The following CELF2 variants were observed in gnomAD, a reference collection of about 807,000 sequenced individuals.
CELF2 encodes CUGBP Elav-like family member 2, also known as CUG triplet repeat RNA-binding protein 2.
CELF2 carries 8 observed loss-of-function variants against 62.6 expected under a neutral mutation model. The ratio of observed to expected loss-of-function variants is 0.13; its 90% CI spans 0.07 to 0.23. CELF2 has a LOEUF of 0.23. Among genes scored for constraint, CELF2 ranks in the 10% least tolerant of loss-of-function variants. The pLI is 1.00. For synonymous variants in CELF2, 258 were observed against 250.0 expected (o/e 1.03, Z -0.30); for missense variants, 333 against 671.0 (o/e 0.50, Z 5.56).
intron 2 of CELF2, among the ~76,000 whole-genome samples, chr10:10,933,600 C>CCCCAA (rs2066324129): frequency 6.6e-6 from 1 of 152,070 alleles, no homozygotes. Flanking sequence ...CTCCTCTCAT[C>CCCCAA]CCCACCCCAC....
At chr10:11,161,852 C>G (rs1442314291) in intron 1 of CELF2, among the ~76,000 whole-genome samples, 1 of 152,160 alleles carries the variant, frequency 6.6e-6, no homozygotes, top group East Asian at 1.9e-4. Flanking sequence ...CTTTGAAGAG[C>G]ACATTGGCTG....
the CELF2 span, among the ~76,000 whole-genome samples, chr10:10,558,668 A>C: frequency 5.1e-4 from 77 of 151,462 alleles, no homozygotes; most frequent in African/African-American, 1.7e-3. Flanking sequence ...CTGGTCCTGG[A>C]CTCTTTTTGC....
intron 1 of CELF2, among the ~76,000 whole-genome samples, chr10:11,132,688 AC>A (rs2059797091): frequency 6.6e-6 from 1 of 152,184 alleles, no homozygotes; most frequent in South Asian, 2.1e-4. Context: ...CCGGCAAAAG[AC>A]TTAAATGAAA....
chr10:10,882,418 A>T (rs924753359), intron 1 of CELF2, among the ~76,000 whole-genome samples: 1 of 152,182 alleles, frequency 6.6e-6, no homozygotes, highest in African/African-American at 2.4e-5. Context: ...TCGTGACTTG[A>T]CCACAAAGGG....
intron 7 of CELF2, among the ~76,000 whole-genome samples, chr10:11,273,731 G>T (rs11818258): frequency 0.013 from 1,365 of 103,774 alleles, 25 homozygotes; most frequent in African/African-American, 0.052. Flanking sequence ...TTGTTTTTTT[G>T]TTTTTTTTGA....
the CELF2 span, among the ~76,000 whole-genome samples, chr10:10,513,293 A>G: frequency 2.6e-5 from 4 of 152,184 alleles, no homozygotes; most frequent in African/African-American, 9.7e-5. Context: ...GGCAGCTGTC[A>G]CAACCACATC....
In CELF2 at chr10:10,947,715, T is replaced by C. The variant is rs923485656; in HGVS notation, c.89+27716T>C. 2.0e-5 allele frequency among the ~76,000 whole-genome samples: 3 copies of C among 152,200 alleles called. No homozygotes were observed. In the South Asian group the frequency reaches 6.2e-4, roughly 31 times the overall value. On this transcript the variant is annotated intron_variant, in intron 2 of 13. Coordinates refer to the CELF2 transcript ENST00000636488. This position sits in a 1 kb window ranked among gnomAD's most constrained non-coding sequence, Gnocchi z 4.1. ...CTAGACACCTGAATACCTTCAACTT[T>C]CTGCTTTCAAGGTCATGAGTAGCGT...
the CELF2 span, among the ~76,000 whole-genome samples, chr10:10,785,031 CT>C: frequency 6.6e-6 from 1 of 152,114 alleles, no homozygotes; most frequent in South Asian, 2.1e-4. Flanking sequence ...ATAGTTTTAC[CT>C]TTTTCAAGTC....
chr10:11,133,730 C>G (rs1217135145), intron 1 of CELF2, among the ~76,000 whole-genome samples: 4 of 152,170 alleles, frequency 2.6e-5, no homozygotes, highest in Non-Finnish European at 5.9e-5. Flanking sequence ...GCGGCCCTTC[C>G]CAGCCTTGCA....
chr10:11,306,907 A>AAT lies in CELF2; in HGVS notation c.977-7230_977-7229dup, dbSNP rs775241818. Among the ~76,000 whole-genome samples the AAT allele has an allele frequency of 5.9e-5, 9 of 152,198 alleles. No homozygotes were observed. Among genetic ancestry groups the AAT allele is most frequent in the Non-Finnish European group, 1.0e-4 (7 of 68,022 alleles). On this transcript the variant is annotated intron_variant, in intron 9 of 12. Coordinates refer to ENST00000633077, the MANE Select transcript of CELF2 (RefSeq NM_001326342.2). The surrounding 1 kb of genome is among the most constrained non-coding windows in gnomAD (Gnocchi z 4.4). ...ATTTGCATATTGATTCATTGTCATC[A>AAT]ATAACAAAAGGGGCCCAGGGAGTTT...
chr10:11,118,874 G>C (rs2057131709), intron 1 of CELF2, among the ~76,000 whole-genome samples: 1 of 152,214 alleles, frequency 6.6e-6, no homozygotes, highest in Non-Finnish European at 1.5e-5. Flanking sequence ...CCTGACCGAT[G>C]ACTGCTTGTA....
chr10:11,184,145 A>G (rs2074231324), intron 2 of CELF2, among the ~76,000 whole-genome samples: 1 of 152,210 alleles, frequency 6.6e-6, no homozygotes, highest in African/African-American at 2.4e-5. Flanking sequence ...CAATTGTTCC[A>G]GCACTATTTG....
intron 2 of CELF2, chr10:10,925,256 C>T (rs977646974): frequency 2.0e-5 from 3 of 152,070 alleles, no homozygotes; most frequent in South Asian, 2.1e-4. Context: ...CATCTAGAGC[C>T]GATGGATGGA....
chr10:10,927,354 A>AAAAACAC (rs1481763062), intron 2 of CELF2: 10 of 148,220 alleles, frequency 6.7e-5, no homozygotes, highest in Admixed American at 4.7e-4. Context: ...ATTAAAAAAA[A>AAAAACAC]AAAAAAAAAA....
At chr10:10,627,088 G>A in the CELF2 span, among the ~76,000 whole-genome samples, 21 of 152,280 alleles carry the variant, frequency 1.4e-4, no homozygotes, top group East Asian at 2.3e-3. Context: ...CCTGGGCCAC[G>A]TGATTAAAAA....
intron 3 of CELF2, among the ~76,000 whole-genome samples, chr10:11,235,995 G>C (rs564389173): frequency 6.6e-6 from 1 of 152,312 alleles, no homozygotes; most frequent in Non-Finnish European, 1.5e-5. Flanking sequence ...GTATTTATGT[G>C]TCTGTCGTAA....
intron 7 of CELF2, 145 bp from the exon 8 acceptor site, chr10:11,274,912 C>A (rs1487251005): frequency 9.8e-6 from 7 of 711,046 alleles, no homozygotes. Flanking sequence ...GGATTTACAG[C>A]CCCAGCTCTG....
chr10:10,627,576 C>T, the CELF2 span, among the ~76,000 whole-genome samples: 1 of 152,184 alleles, frequency 6.6e-6, no homozygotes, highest in African/African-American at 2.4e-5. Flanking sequence ...ATTTGAGCTT[C>T]ACCACTGGCC....
chr10:10,749,407 A>G, the CELF2 span, among the ~76,000 whole-genome samples: 1 of 152,222 alleles, frequency 6.6e-6, no homozygotes, highest in Non-Finnish European at 1.5e-5. Flanking sequence ...TTTATGTGCT[A>G]TCCATCAAAA....
Sources: gnomAD v4.1 joint callset for allele counts (sites outside exome capture counted in the v4.1 genomes callset) on GRCh38, gnomAD v4.1.1 for gene constraint, Gnocchi (gnomAD v3.1) non-coding constraint, MANE v1.5 for transcripts, NCBI Gene and HGNC (gene_info 2026-07-23, HGNC 2026-07-21) for gene names.